Variants in SLC30A9 observed in about 807,000 individuals in gnomAD.
SLC30A9 encodes solute carrier family 30 member 9.
SLC30A9 carries 58 observed loss-of-function variants against 87.5 expected under a neutral mutation model. The ratio of observed to expected loss-of-function variants is 0.66; its 90% CI spans 0.54 to 0.82. The LOEUF (loss-of-function observed/expected upper bound fraction) is 0.82, where lower values mean the gene tolerates loss of function less well. Among genes scored for constraint, SLC30A9 ranks in the 40% least tolerant of loss-of-function variants. The pLI is 0.00. For missense variants in SLC30A9, 557 were observed against 679.1 expected (o/e 0.82, Z 2.00); for synonymous variants, 234 against 233.0 (o/e 1.00, Z -0.04).
chr4:42,020,808 A>G (rs897714586), intron 4 of SLC30A9: 1 of 244,490 alleles, frequency 4.1e-6, no homozygotes, highest in South Asian at 1.0e-4. Flanking sequence ...TTGTTAAGTC[A>G]TTGGTATGTG....
intron 3 of SLC30A9, among the ~76,000 whole-genome samples, chr4:42,019,200 A>G (rs1715839249): frequency 6.6e-6 from 1 of 152,202 alleles, no homozygotes; most frequent in Non-Finnish European, 1.5e-5. Flanking sequence ...TTGTGAAATA[A>G]TAAATATGAG....
At chr4:42,013,502 TA>T (rs1715542618) in intron 2 of SLC30A9, among the ~76,000 whole-genome samples, 2 of 152,160 alleles carry the variant, frequency 1.3e-5, no homozygotes, top group African/African-American at 2.4e-5. Context: ...TTTAGGTTAC[TA>T]AACCTAAATC....
intron 4 of SLC30A9, among the ~76,000 whole-genome samples, chr4:42,022,297 G>C (rs149070849): frequency 7.3e-6 from 1 of 136,172 alleles, no homozygotes; most frequent in South Asian, 2.4e-4. Flanking sequence ...GCGTGATCTT[G>C]GCTCACTGTA....
At chr4:42,078,897 G>A (rs1195108609) in intron 17 of SLC30A9, 2 of 152,122 alleles carry the variant, frequency 1.3e-5, no homozygotes, top group South Asian at 4.1e-4. Context: ...ACTTGTAAAT[G>A]ATCTTTAATG....
At chr4:42,040,359 G>A (rs1457366704) in intron 8 of SLC30A9, among the ~76,000 whole-genome samples, 1 of 152,138 alleles carries the variant, frequency 6.6e-6, no homozygotes, top group African/African-American at 2.4e-5. Context: ...TACTTAAGAA[G>A]TATTATTGTT....
At chr4:42,022,678 A>G (rs1461013564) in intron 4 of SLC30A9, among the ~76,000 whole-genome samples, 160 bp from the exon 5 acceptor site, 1 of 152,194 alleles carries the variant, frequency 6.6e-6, no homozygotes, top group Non-Finnish European at 1.5e-5. Flanking sequence ...TTTTGTATAC[A>G]AAATGTCATC....
chr4:42,040,984 G>A (rs565988089), intron 8 of SLC30A9, among the ~76,000 whole-genome samples: 5 of 152,228 alleles, frequency 3.3e-5, no homozygotes, highest in South Asian at 2.1e-4. Flanking sequence ...TACAGTTCCC[G>A]TGGCTAGGGA....
chr4:42,039,889 A>AAT (rs767450802), intron 8 of SLC30A9, among the ~76,000 whole-genome samples: 406 of 123,994 alleles, frequency 3.3e-3, no homozygotes, highest in Middle Eastern at 8.0e-3. Context: ...TTTATTCTTA[A>AAT]ATATATATAT....
chr4:42,062,983 C>T lies in SLC30A9; in HGVS notation c.897-3C>T, dbSNP rs749915623. 1 of 1,609,160 alleles carries T rather than the reference C, an allele frequency of 6.2e-7. No individual in the cohort carries two copies. The highest frequency in any genetic ancestry group is 8.5e-7 in the Non-Finnish European group (1 of 1,177,778). On this transcript the variant is annotated splice_polypyrimidine_tract_variant and splice_region_variant and intron_variant, in intron 10 of 17. Transcript: ENST00000264451. ...GCGAACTATATTCTTTTCTATTTTT[C>T]AGGTACGGATTTTCAAATATGCGCT...
rs554481130 is a variant in SLC30A9, at chr4:42,018,197, A to G, written c.334+27A>G. 163 of 1,304,772 alleles carry G rather than the reference A, an allele frequency of 1.2e-4. 4 individuals carry two copies. In the South Asian group the frequency reaches 2.0e-3, roughly 16 times the overall value. The allele number at this position is 1,304,772 out of a possible 1,614,324, so 80.8% of individuals were successfully genotyped here. On this transcript the variant is annotated intron_variant, in intron 3 of 17. Transcript: ENST00000264451. ...TAAATATATTTTATCCTATTTTTGT[A>G]TTATAAAGATGTTTTGAATTAAATA...
At chr4:42,023,875 C>T (rs529090303) in intron 6 of SLC30A9, among the ~76,000 whole-genome samples, 2 of 152,218 alleles carry the variant, frequency 1.3e-5, no homozygotes, top group South Asian at 4.2e-4. Context: ...AGGCGAGAGA[C>T]AGCGTGTGTG....
rs1421561198 is a variant in SLC30A9 at position 42,012,507 on chromosome 4, G to A, written c.275-5604G>A. On this transcript the variant is annotated intron_variant, in intron 2 of 17. Coordinates refer to ENST00000264451, the MANE Select transcript of SLC30A9 (RefSeq NM_006345.4). Reference sequence around the variant, plus strand: ...GGTACATAGTAGGTGTATATATGGAGTACATGAGATGTTGTGATACGGGCA... The same window carrying A: ...GGTACATAGTAGGTGTATATATGGAATACATGAGATGTTGTGATACGGGCA... 2.6e-5 allele frequency among the ~76,000 whole-genome samples: 4 copies of A among 152,146 alleles called. No homozygotes were observed. In the East Asian group the frequency reaches 7.7e-4, roughly 29 times the overall value.
At chr4:42,023,494 G>T (rs1716061410) in intron 6 of SLC30A9, 110 bp downstream of exon 6, 1 of 631,566 alleles carries the variant, frequency 1.6e-6, no homozygotes. Context: ...AGGCTCTGTT[G>T]CTTCCAGCAA....
chr4:42,049,800 A>G (rs1236265153), intron 9 of SLC30A9, among the ~76,000 whole-genome samples: 1 of 152,178 alleles, frequency 6.6e-6, no homozygotes, highest in Admixed American at 6.5e-5. Context: ...ATGTAAAATC[A>G]TATGTAATTG....
intron 8 of SLC30A9, among the ~76,000 whole-genome samples, chr4:42,044,051 T>C (rs984843204): frequency 2.6e-5 from 4 of 152,118 alleles, no homozygotes; most frequent in African/African-American, 9.7e-5. Context: ...CAAGAGCTCC[T>C]GAAGGAAGTA....
In SLC30A9 at chr4:42,062,990, G is replaced by T; in HGVS notation, c.901G>T (p.Gly301Ter). Reference sequence around the variant, plus strand: ...ATATTCTTTTCTATTTTTCAGGTACGGATTTTCAAATATGCGCTATATTTC... The same window carrying T: ...ATATTCTTTTCTATTTTTCAGGTACTGATTTTCAAATATGCGCTATATTTC... The part of the protein sequence containing the change: ...VQTPDPSHPY[G>*]FSNMRYISSL... Residue 301 changes from glycine to a stop codon, truncating the protein, a stop_gained, in exon 11 of 18, where the codon GGA becomes TGA. Transcript: ENST00000264451. LOFTEE classifies it high-confidence loss of function. 6.2e-7 allele frequency: 1 copy of T among 1,610,374 alleles called. No individual in the cohort carries two copies.
At chr4:42,052,405 G>T (rs759605512) in intron 9 of SLC30A9, among the ~76,000 whole-genome samples, 1 of 152,070 alleles carries the variant, frequency 6.6e-6, no homozygotes, top group Middle Eastern at 3.2e-3. Context: ...TTGACAAACC[G>T]AATAAATTCC....
rs56190460 is a variant in SLC30A9 at position 42,053,695 on chromosome 4, C to CAAAAAAAAAAAAAA, written c.840+4232_840+4245dup. Among the ~76,000 whole-genome samples the CAAAAAAAAAAAAAA allele has an allele frequency of 1.1e-4, 6 of 55,922 alleles. 2 individuals carry two copies. The highest frequency in any genetic ancestry group is 5.7e-4 in the African/African-American group (6 of 10,520). The allele number at this position is 55,922 out of a possible 152,430, so 36.7% of individuals were successfully genotyped here. A position where few individuals can be genotyped will look rare whatever the true frequency, so the allele number is the denominator to read the frequency against. On this transcript the variant is annotated intron_variant, in intron 9 of 17. Coordinates refer to ENST00000264451, the MANE Select transcript of SLC30A9 (RefSeq NM_006345.4). ...TGGATGACAAGAGTGACTCGGTCTC[C>CAAAAAAAAAAAAAA]AAAAAAAAAAAAAAAAAAAAAAAAA...
chr4:42,057,408 C>T (rs1163521444), intron 9 of SLC30A9, among the ~76,000 whole-genome samples: 2 of 152,220 alleles, frequency 1.3e-5, no homozygotes, highest in African/African-American at 4.8e-5. Context: ...TGTGCACCCA[C>T]AGGCCCAACA....
Sources: gnomAD v4.1 joint callset for allele counts (sites outside exome capture counted in the v4.1 genomes callset) on GRCh38, gnomAD v4.1.1 for gene constraint, MANE v1.5 for transcripts, NCBI Gene and HGNC (gene_info 2026-07-23, HGNC 2026-07-21) for gene names.